Variants in CNTNAP2 observed in about 807,000 individuals in gnomAD.
CNTNAP2 encodes the protein contactin associated protein 2.
CNTNAP2 carries 98 observed loss-of-function variants against 155.2 expected under a neutral mutation model. The ratio of observed to expected loss-of-function variants is 0.63; its 90% CI spans 0.54 to 0.75. The LOEUF (loss-of-function observed/expected upper bound fraction) is 0.75. CNTNAP2 is among the 30% of genes least tolerant of loss of function. CNTNAP2 has a pLI of 0.00. For synonymous variants in CNTNAP2, 651 were observed against 631.2 expected, an observed-to-expected ratio of 1.03 and a Z score of -0.47; for missense variants, 1,727 against 1,688.1, an observed-to-expected ratio of 1.02 and a Z score of -0.40.
intron 15 of CNTNAP2, among the ~76,000 whole-genome samples, chr7:148,063,319 TA>T (rs1803192521): frequency 6.6e-6 from 1 of 152,078 alleles, no homozygotes; most frequent in South Asian, 2.1e-4. Flanking sequence ...ATTCATGTTT[TA>T]ATTTAAAGCC....
intron 13 of CNTNAP2, among the ~76,000 whole-genome samples, chr7:147,751,376 C>T (rs1404972644): frequency 1.4e-5 from 2 of 140,986 alleles, no homozygotes; most frequent in South Asian, 4.7e-4. Context: ...TGACGTGAAT[C>T]TTCAAAGGAT....
chr7:146,261,030 G>A (rs1409641785), intron 1 of CNTNAP2, among the ~76,000 whole-genome samples: 1 of 152,138 alleles, frequency 6.6e-6, no homozygotes, highest in African/African-American at 2.4e-5. Flanking sequence ...TTGAGATAGT[G>A]AAGGAGTTCT....
intron 1 of CNTNAP2, among the ~76,000 whole-genome samples, chr7:146,206,600 A>G (rs1055573845): frequency 6.6e-6 from 1 of 152,022 alleles, no homozygotes; most frequent in Non-Finnish European, 1.5e-5. Context: ...TGTCAAGAAT[A>G]TAATGCACCA....
intron 18 of CNTNAP2, among the ~76,000 whole-genome samples, chr7:148,199,828 G>C (rs1292845486): frequency 3.3e-5 from 5 of 152,182 alleles, no homozygotes; most frequent in African/African-American, 1.2e-4. Flanking sequence ...TAGAGGCCAA[G>C]AAGTCCCATC....
chr7:147,408,781 G>A lies in CNTNAP2; in HGVS notation c.1670+13001G>A, dbSNP rs559925974. Among the ~76,000 whole-genome samples, 222 of 152,118 alleles carry A rather than the reference G, an allele frequency of 1.5e-3. 1 individual carries two copies. The highest frequency in any genetic ancestry group is 5.2e-3 in the African/African-American group (214 of 41,496). On this transcript the variant is annotated intron_variant, in intron 10 of 23. Transcript: ENST00000361727. Reference sequence around the variant, plus strand: ...TCAATAATAATAAAAAAAAGAGGACGTTGCATTACTAGAAAGACTGTAATT... The same window carrying A: ...TCAATAATAATAAAAAAAAGAGGACATTGCATTACTAGAAAGACTGTAATT...
At chr7:146,132,719 A>G (rs1393544541) in intron 1 of CNTNAP2, among the ~76,000 whole-genome samples, 2 of 151,602 alleles carry the variant, frequency 1.3e-5, no homozygotes, top group Non-Finnish European at 2.9e-5. Flanking sequence ...AATTTCATCC[A>G]TGTCCCTACA....
chr7:146,639,998 G>A (rs941653099), intron 1 of CNTNAP2, among the ~76,000 whole-genome samples: 2 of 152,130 alleles, frequency 1.3e-5, no homozygotes, highest in Admixed American at 1.3e-4. Flanking sequence ...TTAAAGATGG[G>A]GTCAGAGTAT....
chr7:146,284,210 G>T (rs1800293324), intron 1 of CNTNAP2, among the ~76,000 whole-genome samples: 1 of 152,100 alleles, frequency 6.6e-6, no homozygotes, highest in Non-Finnish European at 1.5e-5. Flanking sequence ...CATTTTGGGA[G>T]AATGTAAACT....
At chr7:146,944,217 T>A (rs1797110236) in intron 3 of CNTNAP2, among the ~76,000 whole-genome samples, 1 of 136,924 alleles carries the variant, frequency 7.3e-6, no homozygotes, top group Non-Finnish European at 1.6e-5. Context: ...GTGAGATTCA[T>A]CTACAGGTTT....
chr7:147,222,508 C>A (rs1341924624), intron 8 of CNTNAP2, among the ~76,000 whole-genome samples: 1 of 152,120 alleles, frequency 6.6e-6, no homozygotes, highest in Admixed American at 6.6e-5. Context: ...ATTTAGAGCC[C>A]TTAGCATATT....
intron 20 of CNTNAP2, among the ~76,000 whole-genome samples, chr7:148,245,800 C>T (rs1422287166): frequency 6.6e-6 from 1 of 152,176 alleles, no homozygotes; most frequent in Non-Finnish European, 1.5e-5. Flanking sequence ...CACACACACA[C>T]ACTCAGTGCA....
At chr7:147,906,781 A>C (rs965290615) in intron 14 of CNTNAP2, among the ~76,000 whole-genome samples, 1 of 152,040 alleles carries the variant, frequency 6.6e-6, no homozygotes, top group African/African-American at 2.4e-5. Flanking sequence ...TTTTAAAGAT[A>C]TATATTAGCC....
intron 14 of CNTNAP2, among the ~76,000 whole-genome samples, chr7:147,943,816 A>G (rs187529079): frequency 1.4e-5 from 2 of 146,178 alleles, no homozygotes; most frequent in African/African-American, 5.1e-5. Flanking sequence ...AGTTTGGTTC[A>G]TCTGAAAATT....
chr7:147,364,308 A>G (rs1386395883), intron 9 of CNTNAP2, among the ~76,000 whole-genome samples: 1 of 152,210 alleles, frequency 6.6e-6, no homozygotes, highest in East Asian at 1.9e-4. Context: ...TTCCATGTAC[A>G]CACTGAACAC....
intron 13 of CNTNAP2, among the ~76,000 whole-genome samples, chr7:147,851,826 G>A (rs1239818498): frequency 6.6e-6 from 1 of 151,704 alleles, no homozygotes; most frequent in African/African-American, 2.4e-5. Flanking sequence ...GAGTTAATGG[G>A]TGCAGCACAC....
At chr7:148,364,827 A>G (rs916384159) in intron 21 of CNTNAP2, among the ~76,000 whole-genome samples, 4 of 152,074 alleles carry the variant, frequency 2.6e-5, no homozygotes, top group Admixed American at 6.5e-5. Flanking sequence ...CCTCTTCCAC[A>G]CTTTGGAAGC....
At position 146,774,391 on chromosome 7, in the gene CNTNAP2, AT is replaced by A; in HGVS notation, c.208+14del. On this transcript the variant is annotated intron_variant, in intron 2 of 23. Transcript: ENST00000361727. ...ATAAACAAGAGAGGAGGTAAGCCAAATTTTGATTCTTTTATCAATAAACATG... is the reference window on the plus strand; with the variant it reads ...ATAAACAAGAGAGGAGGTAAGCCAAATTTGATTCTTTTATCAATAAACATG... 6.3e-7 allele frequency: 1 copy of A among 1,584,568 alleles called. No individual in the cohort carries two copies.
At chr7:146,222,589 T>C (rs945413298) in intron 1 of CNTNAP2, among the ~76,000 whole-genome samples, 1 of 151,340 alleles carries the variant, frequency 6.6e-6, no homozygotes, top group African/African-American at 2.4e-5. Context: ...TGCACATGTA[T>C]GTAGGTATAT....
chr7:147,305,981 G>A (rs1336159315), intron 9 of CNTNAP2, among the ~76,000 whole-genome samples: 1 of 152,026 alleles, frequency 6.6e-6, no homozygotes, highest in Non-Finnish European at 1.5e-5. Context: ...TCCCCTTTGT[G>A]TTTCCGCATC....
Sources: allele counts gnomAD v4.1 joint callset (sites outside exome capture counted in the v4.1 genomes callset), GRCh38; gene constraint gnomAD v4.1.1; transcripts MANE v1.5; gene names NCBI Gene and HGNC (gene_info 2026-07-23, HGNC 2026-07-21).